RHCE: variants seen among roughly 807,000 people sequenced by gnomAD.
The protein encoded by RHCE is blood group Rh(CE) polypeptide.
Under a neutral mutation model 43.8 loss-of-function variants are expected in RHCE, and 22 were observed. That is an observed-to-expected ratio of 0.50 (90% CI 0.36 to 0.72). The LOEUF is 0.72. Among genes scored for constraint, RHCE ranks in the 30% least tolerant of loss-of-function variants. The pLI is 0.00. For missense variants in RHCE, 385 were observed against 525.4 expected (o/e 0.73, Z 2.61); for synonymous variants, 156 against 210.7 (o/e 0.74, Z 2.25).
chr1:25,411,314 T>C, intron 1 of RHCE: 2 of 1,550,168 alleles, frequency 1.3e-6, no homozygotes, highest in South Asian at 1.2e-5. Flanking sequence ...AACATCATCA[T>C]GACAATCACA....
chr1:25,384,352 G>A (rs1239200701), intron 7 of RHCE, among the ~76,000 whole-genome samples: 1 of 151,938 alleles, frequency 6.6e-6, no homozygotes, highest in Non-Finnish European at 1.5e-5. Context: ...CCTGCACTGT[G>A]ATGGTGGGTG....
rs191870651 is a variant in RHCE, at chr1:25,405,748, T to C, written c.335+2935A>G. Among the ~76,000 whole-genome samples, 3 of 123,766 alleles carry C rather than the reference T, an allele frequency of 2.4e-5. 1 individual carries two copies. 81.2% of individuals were successfully genotyped at this position (123,766 alleles called of 152,430 possible). ...ATAGCCATTTGCTAAGTTATCAGTA[T>C]GTGAGGAAAACAAACAACAACGTTG... On this transcript the variant is annotated intron_variant, in intron 2 of 9. Transcript: ENST00000294413.
At chr1:25,389,153 A>G in intron 5 of RHCE, 40 bp from the exon 6 acceptor site, 1 of 1,600,916 alleles carries the variant, frequency 6.2e-7, no homozygotes. Flanking sequence ...AGCAAGGTAG[A>G]GAGAGAACAC....
chr1:25,386,457 C>A (rs577531992), intron 6 of RHCE, among the ~76,000 whole-genome samples: 206 of 152,304 alleles, frequency 1.4e-3, no homozygotes, highest in South Asian at 7.2e-3. Flanking sequence ...AGCCATGAGC[C>A]AGCAGATGTG....
rs1248491821 is a variant in RHCE, at chr1:25,407,255, G to C, written c.335+1428C>G. Among the ~76,000 whole-genome samples the C allele has an allele frequency of 3.3e-5, 4 of 122,634 alleles. 1 individual carries two copies. The highest frequency in any genetic ancestry group is 7.4e-5 in the Non-Finnish European group (4 of 53,910). 80.5% of individuals were successfully genotyped at this position (122,634 alleles called of 152,430 possible). ...CTTTTAAAAAAGAAAAATACATACA[G>C]TTTTTTTCCTCTAGGGCCAGTCAGG... On this transcript the variant is annotated intron_variant, in intron 2 of 9. Coordinates refer to ENST00000294413, the MANE Select transcript of RHCE (RefSeq NM_020485.8).
At position 25,408,758 on chromosome 1, in the gene RHCE, C is replaced by T. The variant is rs1195756243; in HGVS notation, c.260G>A (p.Gly87Asp). Reference sequence around the variant, plus strand: ...GTCCAGCAGGATTGCCCACTGCACACCAAGCGCCAGCATGAAGAGGTTGAA... The same window carrying T: ...GTCCAGCAGGATTGCCCACTGCACATCAAGCGCCAGCATGAAGAGGTTGAA... ...VAFNLFMLAL[G>D]VQWAILLDGF... The change falls in exon 2 of 10, where the codon GGT (glycine) becomes GAT (aspartate). Residue 87 changes from glycine to aspartate, a missense_variant. Gly to Asp is a moderately conservative substitution (Grantham distance 94). Around this residue, in one of 6 missense-constraint regions of RHCE, gnomAD observed 110 missense variants for 192.1 expected, o/e 0.57. Transcript: ENST00000294413. 1 of 1,282,508 alleles carries T rather than the reference C, an allele frequency of 7.8e-7. No individual in the cohort carries two copies. The highest frequency in any genetic ancestry group is 1.4e-5 in the African/African-American group (1 of 72,538). The allele number at this position is 1,282,508 out of a possible 1,614,324, so 79.4% of individuals were successfully genotyped here.
Position 25,392,082 on chromosome 1 carries a change from A to T in RHCE, c.546T>A (p.Thr182=). Residue 182 remains threonine (T), a synonymous_variant, in exon 4 of 10, where the codon ACT becomes ACA. Coordinates refer to ENST00000294413, the MANE Select transcript of RHCE (RefSeq NM_020485.8). ...GAGGCTTTGGCAGGCACCAGGCCAC[A>T]GTCAGCCCAAAATAGGCTGCGAACA... ...FYVFAAYFGL[T]VAWCLPKPLP... is the part of the protein sequence containing the mutation. 6.2e-7 allele frequency: 1 copy of T among 1,614,194 alleles called. No individual in the cohort carries two copies. The highest frequency in any genetic ancestry group is 8.5e-7 in the Non-Finnish European group (1 of 1,180,030).
intron 4 of RHCE, 24 bp downstream of exon 4, chr1:25,391,970 C>T (rs1199498895): frequency 1.9e-6 from 3 of 1,613,046 alleles, no homozygotes; most frequent in East Asian, 4.5e-5. Flanking sequence ...AAGTATGAGA[C>T]CACTCACCCC....
chr1:25,362,570 A>C lies in RHCE; in HGVS notation c.1228-17T>G. On this transcript the variant is annotated splice_polypyrimidine_tract_variant and intron_variant, in intron 9 of 9. Transcript: ENST00000294413. ...ATGAGGAAACTGTAAAAGCAAAACA[A>C]ACATTTTTATTGCAGATGAACCCAC... 3 of 1,543,368 alleles carry C rather than the reference A, an allele frequency of 1.9e-6. No individual in the cohort carries two copies. Among genetic ancestry groups the C allele is most frequent in the Non-Finnish European group, 2.7e-6 (3 of 1,123,896 alleles).
At chr1:25,391,928 C>T (rs1346397732) in intron 4 of RHCE, 66 bp downstream of exon 4, 1 of 1,610,378 alleles carries the variant, frequency 6.2e-7, no homozygotes, top group Non-Finnish European at 8.5e-7. Flanking sequence ...TTTTTTCAGC[C>T]AGAGCCTTTT....
chr1:25,381,457 CTTTTTTT>C (rs757669054), intron 7 of RHCE, among the ~76,000 whole-genome samples: 2 of 134,300 alleles, frequency 1.5e-5, no homozygotes, highest in African/African-American at 2.8e-5. Context: ...TTTTCTTTTT[CTTTTTTT>C]TTTTTTTTTG....
In RHCE at chr1:25,370,459, A is replaced by C; in HGVS notation, c.1227+8T>G. On this transcript the variant is annotated splice_region_variant and intron_variant, in intron 9 of 9. Transcript: ENST00000294413. ...AAATCTATCACGTTAATAGGTGAAA[A>C]ATCTTACCTTCCAGAAAACTTGGTC... 6.2e-7 allele frequency: 1 copy of C among 1,608,662 alleles called. No individual in the cohort carries two copies. Among genetic ancestry groups the C allele is most frequent in the Non-Finnish European group, 8.5e-7 (1 of 1,175,946 alleles).
chr1:25,391,887 A>T (rs926070456), intron 4 of RHCE, 107 bp downstream of exon 4: 2 of 1,501,968 alleles, frequency 1.3e-6, no homozygotes, highest in African/African-American at 2.8e-5. Flanking sequence ...AGGGCTTCAG[A>T]CACCCAGGGG....
intron 3 of RHCE, 83 bp downstream of exon 3, chr1:25,402,513 A>G: frequency 6.2e-7 from 1 of 1,610,304 alleles, no homozygotes; most frequent in Non-Finnish European, 8.5e-7. Context: ...GGTTGTCTTT[A>G]TTTTTCAAAA....
chr1:25,403,018 T>C (rs563594716), intron 2 of RHCE, among the ~76,000 whole-genome samples: 1 of 151,592 alleles, frequency 6.6e-6, no homozygotes, highest in African/African-American at 2.4e-5. Context: ...GGCATTGATC[T>C]ACACACACTC....
At chr1:25,404,169 CA>C (rs3079571) in intron 2 of RHCE, among the ~76,000 whole-genome samples, 1,960 of 90,946 alleles carry the variant, frequency 0.022, 32 homozygotes, top group African/African-American at 0.075. Flanking sequence ...CTCTGTCTCA[CA>C]AAAAAAAAAA....
intron 3 of RHCE, 63 bp downstream of exon 3, chr1:25,402,533 C>A (rs1646785963): frequency 2.5e-6 from 4 of 1,613,410 alleles, no homozygotes; most frequent in Admixed American, 3.3e-5. Flanking sequence ...ACCCCGGAAG[C>A]CCCACCAAAT....
In RHCE at chr1:25,402,748, T is replaced by C; in HGVS notation, c.336-2A>G. On this transcript the variant is annotated splice_acceptor_variant, in intron 2 of 9. Transcript: ENST00000294413. LOFTEE classifies it high-confidence loss of function. The stretch of plus-strand genomic sequence containing the variant: ...GCACTCATGGTGGCCAGCCGAATAC[T>C]GGGGGTGAGAAGGAGAGCCAGGATG... The C allele has an allele frequency of 6.2e-7, 1 of 1,614,152 alleles. No individual in the cohort carries two copies. The highest frequency in any genetic ancestry group is 8.5e-7 in the Non-Finnish European group (1 of 1,180,022).
At chr1:25,383,359 C>A (rs1646056579) in intron 7 of RHCE, among the ~76,000 whole-genome samples, 1 of 152,178 alleles carries the variant, frequency 6.6e-6, no homozygotes, top group Non-Finnish European at 1.5e-5. Context: ...AGTAGCTAAT[C>A]CACAGTTCCC....
Sources: allele counts gnomAD v4.1 joint callset (sites outside exome capture counted in the v4.1 genomes callset), GRCh38; gene constraint gnomAD v4.1.1; regional missense constraint gnomAD v4.1.1; transcripts MANE v1.5; gene names NCBI Gene and HGNC (gene_info 2026-07-23, HGNC 2026-07-21).